The following INSC variants were observed in gnomAD, a reference collection of about 807,000 sequenced individuals.
INSC encodes the protein INSC spindle orientation adaptor protein.
In INSC, 67 loss-of-function variants were observed where a neutral mutation model predicts 58.6. That is an observed-to-expected ratio of 1.14 (90% confidence interval 0.94 to 1.40). The LOEUF (loss-of-function observed/expected upper bound fraction) is 1.40. Ranked by LOEUF, INSC falls within the 40% of genes most tolerant of loss-of-function variation. INSC has a pLI of 0.00. For synonymous variants in INSC, 262 were observed against 276.1 expected, an observed-to-expected ratio of 0.95 and a Z score of 0.51; for missense variants, 714 against 692.0, an observed-to-expected ratio of 1.03 and a Z score of -0.36.
intron 1 of INSC, among the ~76,000 whole-genome samples, chr11:15,134,371 C>T (rs1056688277): frequency 2.6e-5 from 4 of 152,092 alleles, no homozygotes; most frequent in African/African-American, 9.7e-5. Context: ...CTTAGAATGA[C>T]CTGACTATAG....
upstream of INSC, among the ~76,000 whole-genome samples, chr11:15,113,119 C>CTCTCTTTCTTTCTTTCTTTCTTTCTT (rs1554899334): frequency 7.0e-4 from 51 of 73,292 alleles, no homozygotes; most frequent in African/African-American, 2.4e-3. Context: ...TTCTCTCTCT[C>CTCTCTTTCTTTCTTTCTTTCTTTCTT]TCTTTCTTTC....
At chr11:15,139,783 G>T (rs1384690716) in intron 1 of INSC, among the ~76,000 whole-genome samples, 2 of 152,242 alleles carry the variant, frequency 1.3e-5, no homozygotes, top group African/African-American at 4.8e-5. Context: ...ACAGAGCTCT[G>T]GATGAAGGTG....
At chr11:15,163,939 C>G (rs1188797604) in intron 2 of INSC, among the ~76,000 whole-genome samples, 1 of 152,078 alleles carries the variant, frequency 6.6e-6, no homozygotes, top group Non-Finnish European at 1.5e-5. Context: ...TTAATTTTTG[C>G]ATTTGATTTT....
chr11:15,172,560 C>T (rs186274551), intron 2 of INSC, among the ~76,000 whole-genome samples: 2 of 152,326 alleles, frequency 1.3e-5, no homozygotes, highest in East Asian at 1.9e-4. Context: ...TGCAGAGGCC[C>T]TGAGGGGGAA....
downstream of INSC, chr11:15,247,274 C>G (rs990642422): frequency 1.3e-5 from 2 of 152,070 alleles, no homozygotes; most frequent in African/African-American, 4.8e-5. Context: ...TTGCATTATC[C>G]AATTTATTCC....
intron 9 of INSC, among the ~76,000 whole-genome samples, chr11:15,227,161 G>T (rs1476080974): frequency 6.6e-6 from 1 of 152,160 alleles, no homozygotes; most frequent in Non-Finnish European, 1.5e-5. Context: ...TTTAAATGAG[G>T]ATTAAATTTA....
intron 5 of INSC, among the ~76,000 whole-genome samples, chr11:15,181,210 C>T (rs1267749537): frequency 1.3e-5 from 2 of 152,168 alleles, no homozygotes; most frequent in East Asian, 1.9e-4. Context: ...TTTGCTCGTG[C>T]ATATATCTCT....
rs565272216 is a variant in INSC, at chr11:15,181,871, G to T, written c.579+3424G>T. 1.4e-4 allele frequency among the ~76,000 whole-genome samples: 22 copies of T among 152,238 alleles called. No individual in the cohort carries two copies. The South Asian group carries it at 4.6e-3, about 32-fold the overall frequency. ...CAAAATCTGCTCAGTGGGAGAGTGG[G>T]AAATATAATAGGAAGCAAATTTCAA... On this transcript the variant is annotated intron_variant, in intron 5 of 12. Coordinates refer to ENST00000379556, the MANE Select transcript of INSC (RefSeq NM_001042536.3).
At chr11:15,216,649 C>T (rs1442553607) in intron 7 of INSC, among the ~76,000 whole-genome samples, 1 of 152,204 alleles carries the variant, frequency 6.6e-6, no homozygotes, top group South Asian at 2.1e-4. Context: ...AGAAATCACT[C>T]CCATTTTAAA....
chr11:15,258,579 G>A, the INSC span, among the ~76,000 whole-genome samples: 2 of 152,172 alleles, frequency 1.3e-5, no homozygotes, highest in South Asian at 4.1e-4. Flanking sequence ...CAGCTTGCCT[G>A]GGCAGTGGGT....
At chr11:15,241,186 A>T (rs1852336614) in intron 12 of INSC, among the ~76,000 whole-genome samples, 2 of 152,128 alleles carry the variant, frequency 1.3e-5, no homozygotes. Context: ...GTCTCTAAGG[A>T]CTCCCAAAGT....
chr11:15,142,429 C>T (rs552223959), intron 1 of INSC, among the ~76,000 whole-genome samples: 3 of 152,348 alleles, frequency 2.0e-5, no homozygotes, highest in Admixed American at 1.3e-4. Flanking sequence ...TTCCTTTTAG[C>T]CTCCTTTCCA....
At chr11:15,255,464 C>T in the INSC span, among the ~76,000 whole-genome samples, 1 of 152,152 alleles carries the variant, frequency 6.6e-6, no homozygotes, top group African/African-American at 2.4e-5. Flanking sequence ...ATTCTAGTTT[C>T]AGAGTAAAGC....
chr11:15,154,368 A>AT (rs1247522753), intron 2 of INSC, among the ~76,000 whole-genome samples: 7 of 152,128 alleles, frequency 4.6e-5, no homozygotes, highest in Non-Finnish European at 7.4e-5. Context: ...AGCTATTCTC[A>AT]TTTTTTTAGT....
chr11:15,233,345 C>T (rs568742916), intron 9 of INSC, among the ~76,000 whole-genome samples: 2 of 152,270 alleles, frequency 1.3e-5, no homozygotes, highest in Admixed American at 1.3e-4. Flanking sequence ...TAACTTGTAT[C>T]CAACCAGGTA....
intron 7 of INSC, among the ~76,000 whole-genome samples, chr11:15,208,668 C>T (rs1003816053): frequency 6.6e-6 from 1 of 152,218 alleles, no homozygotes. Flanking sequence ...GGGACTGCGC[C>T]TTTCCCGCCA....
In INSC at chr11:15,134,110, G is replaced by T. The variant is rs1049127169; in HGVS notation, c.-45-15020G>T. Among the ~76,000 whole-genome samples, 24 of 152,152 alleles carry T rather than the reference G, an allele frequency of 1.6e-4. 1 individual carries two copies. The highest frequency in any genetic ancestry group is 1.6e-3 in the Admixed American group (24 of 15,274). ...GGTCACCATTTCCACTTTTTAAAAT[G>T]GGGATAATAGTAGTACTGATTACTT... On this transcript the variant is annotated intron_variant, in intron 1 of 12. Coordinates refer to ENST00000379556, the MANE Select transcript of INSC (RefSeq NM_001042536.3).
chr11:15,256,014 C>A, the INSC span, among the ~76,000 whole-genome samples: 2 of 152,154 alleles, frequency 1.3e-5, no homozygotes, highest in Admixed American at 6.5e-5. Flanking sequence ...AGACATATCC[C>A]ACCATCAACT....
the INSC span, among the ~76,000 whole-genome samples, chr11:15,263,977 C>T: frequency 6.6e-6 from 1 of 151,262 alleles, no homozygotes; most frequent in Non-Finnish European, 1.5e-5. Context: ...TTTGCTGTAT[C>T]TCTATTCTGC....
Sources: allele counts gnomAD v4.1 joint callset (sites outside exome capture counted in the v4.1 genomes callset), GRCh38; gene constraint gnomAD v4.1.1; transcripts MANE v1.5; gene names NCBI Gene and HGNC (gene_info 2026-07-23, HGNC 2026-07-21).